The following MROH9 variants were observed in gnomAD, a reference collection of about 807,000 sequenced individuals.
The protein encoded by MROH9 is maestro heat like repeat family member 9.
MROH9 carries 92 observed loss-of-function variants against 98.2 expected under a neutral mutation model. The observed-to-expected ratio is 0.94, with a 90% CI of 0.79 to 1.11. The LOEUF (loss-of-function observed/expected upper bound fraction) is 1.11, where lower values mean the gene tolerates loss of function less well. MROH9 is among the 50% of genes most tolerant of loss of function. The pLI is 0.00. For synonymous variants in MROH9, 397 were observed against 368.9 expected (o/e 1.08, Z -0.87); for missense variants, 1,057 against 1,014.8 (o/e 1.04, Z -0.57).
chr1:170,979,955 A>C (rs1029809442), intron 8 of MROH9, among the ~76,000 whole-genome samples: 3 of 152,206 alleles, frequency 2.0e-5, no homozygotes, highest in Non-Finnish European at 4.4e-5. Flanking sequence ...AGGCAAGCAA[A>C]GAGCCAAATC....
intron 3 of MROH9, among the ~76,000 whole-genome samples, chr1:170,950,753 ATAATC>A (rs1361404675): frequency 6.6e-6 from 1 of 152,114 alleles, no homozygotes; most frequent in Admixed American, 6.6e-5. Flanking sequence ...GCTTCTATGA[ATAATC>A]TAAGTTTTAT....
chr1:170,949,474 TA>T (rs577047129), intron 3 of MROH9, among the ~76,000 whole-genome samples: 13 of 152,050 alleles, frequency 8.5e-5, no homozygotes, highest in Non-Finnish European at 1.3e-4. Context: ...GTGACTTACT[TA>T]ATCAGGAGAG....
chr1:170,947,656 T>C (rs1400728544), intron 3 of MROH9, 83 bp downstream of exon 3: 1 of 1,222,542 alleles, frequency 8.2e-7, no homozygotes, highest in Non-Finnish European at 1.2e-6. Flanking sequence ...TACAAGGATG[T>C]TACAAGTAAT....
chr1:170,974,099 A>C (rs1375648618), intron 8 of MROH9, among the ~76,000 whole-genome samples: 2 of 152,194 alleles, frequency 1.3e-5, no homozygotes, highest in Non-Finnish European at 1.5e-5. Context: ...AGACATAGTA[A>C]TAGTAATTAT....
At chr1:170,987,057 A>C (rs1651166281) in intron 10 of MROH9, among the ~76,000 whole-genome samples, 1 of 151,622 alleles carries the variant, frequency 6.6e-6, no homozygotes, top group African/African-American at 2.4e-5. Flanking sequence ...GGTCTTAACT[A>C]TGTTGCCCAG....
At chr1:171,026,640 A>T (rs2101844361) in intron 20 of MROH9, among the ~76,000 whole-genome samples, 1 of 152,316 alleles carries the variant, frequency 6.6e-6, no homozygotes, top group East Asian at 1.9e-4. Flanking sequence ...AAGTTCCCAC[A>T]AATAAACCTC....
At chr1:171,025,239 A>G in intron 19 of MROH9, 79 bp from the exon 20 acceptor site, 1 of 809,534 alleles carries the variant, frequency 1.2e-6, no homozygotes, top group South Asian at 1.6e-5. Flanking sequence ...CTGATTTGGT[A>G]TGTTGAAGCC....
At chr1:171,015,334 T>C (rs944770596) in intron 16 of MROH9, among the ~76,000 whole-genome samples, 2 of 152,156 alleles carry the variant, frequency 1.3e-5, no homozygotes, top group Admixed American at 1.3e-4. Context: ...TATCAAAAAC[T>C]GAAAGGAAAA....
intron 20 of MROH9, among the ~76,000 whole-genome samples, chr1:171,055,253 T>G (rs1398050475): frequency 1.3e-5 from 2 of 152,108 alleles, no homozygotes; most frequent in Non-Finnish European, 1.5e-5. Context: ...GTGAAGTAAC[T>G]CAAGAATGGA....
intron 10 of MROH9, among the ~76,000 whole-genome samples, chr1:170,988,426 G>A (rs1429756503): frequency 6.6e-6 from 1 of 152,206 alleles, no homozygotes; most frequent in Non-Finnish European, 1.5e-5. Flanking sequence ...TTACAAAATA[G>A]AGTTCTCTTC....
rs1262965672 is a variant in MROH9, at chr1:171,064,758, T to C, written c.*418T>C. Reference sequence around the variant, plus strand: ...TCCTGATCTCAGGATGGGCACAGTCTAGTGACACATAGTGTGGTCATTTCT... The same window carrying C: ...TCCTGATCTCAGGATGGGCACAGTCCAGTGACACATAGTGTGGTCATTTCT... On this transcript the variant is annotated 3_prime_UTR_variant, in exon 22 of 22. Coordinates refer to ENST00000367759, the MANE Select transcript of MROH9 (RefSeq NM_001163629.2). 1 of 156,020 alleles carries C rather than the reference T, an allele frequency of 6.4e-6. No individual in the cohort carries two copies. Among genetic ancestry groups the C allele is most frequent in the Non-Finnish European group, 1.4e-5 (1 of 70,906 alleles). 9.7% of individuals were successfully genotyped at this position (156,020 alleles called of 1,614,324 possible).
intron 8 of MROH9, 107 bp downstream of exon 8, chr1:170,971,990 C>A: frequency 8.5e-7 from 1 of 1,174,170 alleles, no homozygotes. Flanking sequence ...CTAAATCCTG[C>A]CCCAAGAGTC....
chr1:170,941,494 C>T (rs1222421181), intron 1 of MROH9, among the ~76,000 whole-genome samples: 1 of 152,098 alleles, frequency 6.6e-6, no homozygotes, highest in Non-Finnish European at 1.5e-5. Context: ...ATCTGTTTAA[C>T]TTCTAGGAAC....
intron 1 of MROH9, among the ~76,000 whole-genome samples, chr1:170,937,515 ATTTTTTTTTTTT>A (rs71125282): frequency 0.21 from 23,588 of 114,566 alleles, 2,108 homozygotes; most frequent in South Asian, 0.24. Context: ...CATAATCAGT[ATTTTTTTTTTTT>A]TTTTTTTTTT....
At chr1:170,985,559 C>A (rs1651099801) in intron 9 of MROH9, among the ~76,000 whole-genome samples, 2 of 152,134 alleles carry the variant, frequency 1.3e-5, no homozygotes, top group African/African-American at 4.8e-5. Flanking sequence ...CTAAGTTTCA[C>A]TGGGAATTGC....
intron 7 of MROH9, among the ~76,000 whole-genome samples, chr1:170,967,696 T>C (rs1650285063): frequency 6.6e-6 from 1 of 152,224 alleles, no homozygotes; most frequent in Non-Finnish European, 1.5e-5. Flanking sequence ...TTTAAAGTGA[T>C]GATTTGTCTC....
At chr1:170,939,524 C>T (rs1183492267) in intron 1 of MROH9, among the ~76,000 whole-genome samples, 2 of 152,176 alleles carry the variant, frequency 1.3e-5, no homozygotes, top group Admixed American at 1.3e-4. Flanking sequence ...AGGGAACTCC[C>T]CATGAAGCCA....
chr1:170,992,391 A>G (rs1651392416), intron 12 of MROH9, 62 bp downstream of exon 12: 1 of 1,517,828 alleles, frequency 6.6e-7, no homozygotes, highest in Non-Finnish European at 9.0e-7. Context: ...GAAAATCCCT[A>G]TCTGCCCACA....
intron 3 of MROH9, among the ~76,000 whole-genome samples, chr1:170,952,871 T>C (rs946721602): frequency 6.6e-6 from 1 of 152,016 alleles, no homozygotes; most frequent in African/African-American, 2.4e-5. Context: ...AGGTAGGCAA[T>C]GCCAACACAT....
Sources: gnomAD v4.1 joint callset for allele counts (sites outside exome capture counted in the v4.1 genomes callset) on GRCh38, gnomAD v4.1.1 for gene constraint, MANE v1.5 for transcripts, NCBI Gene and HGNC (gene_info 2026-07-23, HGNC 2026-07-21) for gene names.